SULF2: variants seen among roughly 807,000 people sequenced by gnomAD.
The protein encoded by SULF2 is extracellular sulfatase Sulf-2.
Under a neutral mutation model 107.7 loss-of-function variants are expected in SULF2, and 52 were observed. The ratio of observed to expected loss-of-function variants is 0.48; its 90% CI spans 0.39 to 0.61. SULF2 has a LOEUF of 0.61. Ranked by LOEUF, SULF2 falls within the 20% of genes least tolerant of loss-of-function variation. The pLI is 0.00. For synonymous variants in SULF2, 460 were observed against 464.3 expected, an observed-to-expected ratio of 0.99 and a Z score of 0.12; for missense variants, 993 against 1,177.3, an observed-to-expected ratio of 0.84 and a Z score of 2.29.
chr20:47,753,105 A>AG, intron 2 of SULF2, among the ~76,000 whole-genome samples: 1 of 149,304 alleles, frequency 6.7e-6, no homozygotes, highest in African/African-American at 2.5e-5. Context: ...TCTCAAAAAA[A>AG]AAAAAAAAAA....
At chr20:47,726,745 G>A (rs1218215424) in intron 3 of SULF2, among the ~76,000 whole-genome samples, 1 of 152,202 alleles carries the variant, frequency 6.6e-6, no homozygotes, top group Non-Finnish European at 1.5e-5. Flanking sequence ...GGGAGTCACA[G>A]CTAGCACCTA....
intron 20 of SULF2, among the ~76,000 whole-genome samples, chr20:47,659,180 A>G (rs942124719): frequency 2.6e-5 from 4 of 152,242 alleles, no homozygotes; most frequent in African/African-American, 9.6e-5. Context: ...CACAGATTAT[A>G]GCGAGAACAG....
intron 18 of SULF2, among the ~76,000 whole-genome samples, chr20:47,660,737 C>G (rs530299876): frequency 6.6e-6 from 1 of 152,130 alleles, no homozygotes; most frequent in South Asian, 2.1e-4. Flanking sequence ...CCTTCCAAAG[C>G]CCTGGAATCA....
intron 1 of SULF2, among the ~76,000 whole-genome samples, chr20:47,785,097 C>T (rs2090900260): frequency 2.0e-5 from 3 of 151,984 alleles, no homozygotes; most frequent in Admixed American, 6.5e-5. Flanking sequence ...CTCGCCCGCC[C>T]GCCAGCCAGC....
At chr20:47,705,803 T>TC in intron 3 of SULF2, among the ~76,000 whole-genome samples, 1 of 103,770 alleles carries the variant, frequency 9.6e-6, no homozygotes. Flanking sequence ...TCTTTTCTTT[T>TC]CTTTTTTTTT....
intron 3 of SULF2, among the ~76,000 whole-genome samples, chr20:47,722,575 T>C (rs981168563): frequency 9.9e-5 from 15 of 152,160 alleles, no homozygotes; most frequent in African/African-American, 3.4e-4. Flanking sequence ...TTCAAATCTT[T>C]ACTGAGTACC....
intron 18 of SULF2, among the ~76,000 whole-genome samples, chr20:47,660,807 C>T (rs2087040595): frequency 6.6e-6 from 1 of 152,016 alleles, no homozygotes; most frequent in Non-Finnish European, 1.5e-5. Flanking sequence ...ATCTGGTTGG[C>T]ATTCTAAACT....
intron 1 of SULF2, among the ~76,000 whole-genome samples, chr20:47,774,568 G>A (rs2090691807): frequency 6.6e-6 from 1 of 152,204 alleles, no homozygotes; most frequent in African/African-American, 2.4e-5. Context: ...GAGCTATGGG[G>A]CCCTGGAGCT....
intron 1 of SULF2, among the ~76,000 whole-genome samples, chr20:47,770,124 G>A (rs1031344272): frequency 2.2e-5 from 3 of 137,062 alleles, no homozygotes; most frequent in East Asian, 4.9e-4. Flanking sequence ...GCAGCGGCAC[G>A]AACATAGCTC....
rs1267264245 is a variant in SULF2 at position 47,664,136 on chromosome 20, G to C, written c.2051C>G (p.Pro684Arg). 6.2e-7 allele frequency: 1 copy of C among 1,613,666 alleles called. No homozygotes were observed. The highest frequency in any genetic ancestry group is 2.2e-5 in the East Asian group (1 of 44,890). The change falls in exon 15 of 21, where the codon CCT becomes CGT. Residue 684 changes from proline (P) to arginine (R), a missense_variant. This residue lies in a region of SULF2 where 497 missense variants were observed against 544.1 expected (regional missense o/e 0.91). Coordinates refer to ENST00000688720, the MANE Select transcript of SULF2 (RefSeq NM_001387048.1). Reference protein sequence around the residue: ...RLKHRGSSLHPFRKGLQEKDK... With the variant: ...RLKHRGSSLHRFRKGLQEKDK... ...GACCTCAAGCTGCTCTTACCTGAAA[G>C]GATGCAGACTGGAGCCTCTGTGCTT...
intron 1 of SULF2, among the ~76,000 whole-genome samples, chr20:47,758,544 C>A (rs1347803688): frequency 4.6e-5 from 7 of 152,130 alleles, no homozygotes; most frequent in Admixed American, 1.3e-4. Context: ...AGGGGGAAGA[C>A]CTGCCACAGG....
chr20:47,722,075 G>T (rs894360056), intron 3 of SULF2, among the ~76,000 whole-genome samples: 1 of 152,216 alleles, frequency 6.6e-6, no homozygotes, highest in Non-Finnish European at 1.5e-5. Flanking sequence ...CCAACCCAAT[G>T]ACAGAAAACG....
At chr20:47,728,601 G>A (rs534035715) in intron 3 of SULF2, among the ~76,000 whole-genome samples, 21 of 152,260 alleles carry the variant, frequency 1.4e-4, no homozygotes, top group African/African-American at 3.9e-4. Flanking sequence ...CTGGCAACCC[G>A]CGAGGGCACA....
At chr20:47,697,263 CCT>C (rs1170235798) in intron 4 of SULF2, among the ~76,000 whole-genome samples, 1 of 152,232 alleles carries the variant, frequency 6.6e-6, no homozygotes, top group African/African-American at 2.4e-5. Context: ...ATCACCACTG[CCT>C]CTCTTTCTGC....
chr20:47,726,488 T>A (rs2089446794), intron 3 of SULF2, among the ~76,000 whole-genome samples: 1 of 152,160 alleles, frequency 6.6e-6, no homozygotes, highest in African/African-American at 2.4e-5. Context: ...GTGCCGGGAT[T>A]ACAGGCCCAG....
chr20:47,754,501 C>A (rs2090234718), intron 2 of SULF2, among the ~76,000 whole-genome samples: 1 of 120,236 alleles, frequency 8.3e-6, no homozygotes, highest in African/African-American at 3.1e-5. Flanking sequence ...TCCTTCAAAA[C>A]CCAGTGCTGC....
chr20:47,707,653 C>T (rs1018313595), intron 3 of SULF2, among the ~76,000 whole-genome samples: 1 of 152,200 alleles, frequency 6.6e-6, no homozygotes, highest in Admixed American at 6.5e-5. Context: ...AATTCCTCCC[C>T]TGTGTGCCAT....
intron 20 of SULF2, 26 bp from the exon 21 acceptor site, chr20:47,658,418 A>T (rs754792946): frequency 6.2e-7 from 1 of 1,613,650 alleles, no homozygotes; most frequent in Non-Finnish European, 8.5e-7. Context: ...AACTCATCTT[A>T]GCACTTAGCT....
chr20:47,754,538 A>G (rs2146891990), intron 2 of SULF2, among the ~76,000 whole-genome samples: 1 of 152,320 alleles, frequency 6.6e-6, no homozygotes, highest in South Asian at 2.1e-4. Flanking sequence ...GCTTGTTTAT[A>G]GAGGGCAAGA....
Sources: gnomAD v4.1 joint callset for allele counts (sites outside exome capture counted in the v4.1 genomes callset) on GRCh38, gnomAD v4.1.1 for gene constraint, gnomAD v4.1.1 regional missense constraint, MANE v1.5 for transcripts, NCBI Gene and HGNC (gene_info 2026-07-23, HGNC 2026-07-21) for gene names.